KCNIP1: variants seen among roughly 807,000 people sequenced by gnomAD.
KCNIP1 encodes potassium voltage-gated channel interacting protein 1.
A neutral mutation model predicts 33.0 loss-of-function variants in KCNIP1; 18 were observed. That is an observed-to-expected ratio of 0.55 (90% CI 0.38 to 0.81). The LOEUF (loss-of-function observed/expected upper bound fraction) is 0.81, where lower values mean the gene tolerates loss of function less well. Among genes scored for constraint, KCNIP1 ranks in the 30% least tolerant of loss-of-function variants. KCNIP1 has a pLI of 0.00. For synonymous variants in KCNIP1, 93 were observed against 98.3 expected, an observed-to-expected ratio of 0.95 and a Z score of 0.32; for missense variants, 238 against 271.6, an observed-to-expected ratio of 0.88 and a Z score of 0.87.
At chr5:170,509,678 A>G (rs901979803) in intron 1 of KCNIP1, among the ~76,000 whole-genome samples, 1 of 152,274 alleles carries the variant, frequency 6.6e-6, no homozygotes, top group Non-Finnish European at 1.5e-5. Flanking sequence ...GAATATGTCC[A>G]TAAATGAATG....
At position 170,504,064 on chromosome 5, in the gene KCNIP1, G is replaced by A. The variant is rs1005515312; in HGVS notation, c.-509G>A. The A allele has an allele frequency of 1.0e-6, 1 of 985,610 alleles. No homozygotes were observed. Among genetic ancestry groups the A allele is most frequent in the East Asian group, 1.1e-4 (1 of 8,788 alleles). The allele number at this position is 985,610 out of a possible 1,614,324, so 61.1% of individuals were successfully genotyped here. ...GGCAGCAGGCAGCAGGCAGCAGGCGGGCGCGCTGTGGCTCCGCGCCGCGCG... is the reference window on the plus strand; with the variant it reads ...GGCAGCAGGCAGCAGGCAGCAGGCGAGCGCGCTGTGGCTCCGCGCCGCGCG... On this transcript the variant is annotated 5_prime_UTR_variant, in exon 1 of 8. Coordinates refer to ENST00000328939, the MANE Select transcript of KCNIP1 (RefSeq NM_014592.4). This position sits in a 1 kb window ranked among gnomAD's most constrained non-coding sequence, Gnocchi z 6.0.
chr5:170,358,891 C>T (rs756878392), intron 1 of KCNIP1, among the ~76,000 whole-genome samples: 2 of 152,180 alleles, frequency 1.3e-5, no homozygotes, highest in Non-Finnish European at 2.9e-5. Context: ...CATTCCTCTG[C>T]ACTCCTAGGG....
chr5:170,362,187 C>T (rs1763531652), intron 1 of KCNIP1, among the ~76,000 whole-genome samples: 1 of 152,136 alleles, frequency 6.6e-6, no homozygotes, highest in Non-Finnish European at 1.5e-5. Context: ...ATATAAAGAG[C>T]GAGCTTCAGA....
intron 5 of KCNIP1, among the ~76,000 whole-genome samples, chr5:170,723,726 T>C (rs866797730): frequency 6.6e-6 from 1 of 151,988 alleles, no homozygotes; most frequent in Non-Finnish European, 1.5e-5. Flanking sequence ...CATAGAGAGA[T>C]GGACAATAAA....
At chr5:170,378,921 A>T (rs1335272106) in intron 1 of KCNIP1, 1 of 1,614,206 alleles carries the variant, frequency 6.2e-7, no homozygotes, top group Non-Finnish European at 8.5e-7. Context: ...GACCTTCTCC[A>T]CGTCGGCCCG....
At chr5:170,620,470 G>A (rs1759559521) in intron 1 of KCNIP1, among the ~76,000 whole-genome samples, 1 of 152,172 alleles carries the variant, frequency 6.6e-6, no homozygotes, top group African/African-American at 2.4e-5. Flanking sequence ...AGTAAGGGCT[G>A]GGGCTGCTAC....
At chr5:170,631,493 A>C (rs975595649) in intron 1 of KCNIP1, among the ~76,000 whole-genome samples, 4 of 152,152 alleles carry the variant, frequency 2.6e-5, no homozygotes, top group African/African-American at 9.7e-5. Flanking sequence ...TCCAGACCCA[A>C]GCAGGAGAGC....
At chr5:170,438,337 G>T (rs1264172500) in intron 1 of KCNIP1, among the ~76,000 whole-genome samples, 1 of 152,140 alleles carries the variant, frequency 6.6e-6, no homozygotes, top group African/African-American at 2.4e-5. Flanking sequence ...GCCCACTCTG[G>T]GCTTGAAAAT....
chr5:170,440,191 C>T (rs1489493761), intron 1 of KCNIP1, among the ~76,000 whole-genome samples: 5 of 152,128 alleles, frequency 3.3e-5, no homozygotes, highest in African/African-American at 4.8e-5. Context: ...TCAGGGGAAA[C>T]CAACCTGCTG....
chr5:170,371,510 A>C (rs1763842849), intron 1 of KCNIP1, among the ~76,000 whole-genome samples: 1 of 152,162 alleles, frequency 6.6e-6, no homozygotes, highest in Non-Finnish European at 1.5e-5. Context: ...TGTTTTCTGG[A>C]GCAATACCAC....
intron 1 of KCNIP1, among the ~76,000 whole-genome samples, chr5:170,696,535 T>G (rs1762899183): frequency 6.6e-6 from 1 of 152,076 alleles, no homozygotes; most frequent in Non-Finnish European, 1.5e-5. Flanking sequence ...TCAGAGGAGG[T>G]AGCCCTTGAA....
At chr5:170,378,822 C>T in intron 1 of KCNIP1, 1 of 1,614,204 alleles carries the variant, frequency 6.2e-7, no homozygotes, top group Non-Finnish European at 8.5e-7. Flanking sequence ...GGCCTGGGGC[C>T]CGTAGAGGCG....
chr5:170,400,102 C>A (rs1465484723), intron 1 of KCNIP1, among the ~76,000 whole-genome samples: 1 of 152,218 alleles, frequency 6.6e-6, no homozygotes, highest in African/African-American at 2.4e-5. Context: ...CCTGTCTCGA[C>A]AGCCTCTCGT....
intron 1 of KCNIP1, among the ~76,000 whole-genome samples, chr5:170,637,247 C>T (rs1561733533): frequency 6.6e-6 from 1 of 152,100 alleles, no homozygotes; most frequent in Non-Finnish European, 1.5e-5. Context: ...CCTCTACCCA[C>T]CCCTGCTCCC....
chr5:170,719,098 G>A (rs1244888206), intron 2 of KCNIP1, among the ~76,000 whole-genome samples: 1 of 152,058 alleles, frequency 6.6e-6, no homozygotes, highest in Non-Finnish European at 1.5e-5. Flanking sequence ...ACGGCCAACT[G>A]CCCAGAAATT....
At chr5:170,710,173 T>TA (rs1225881970) in intron 1 of KCNIP1, among the ~76,000 whole-genome samples, 1 of 152,190 alleles carries the variant, frequency 6.6e-6, no homozygotes, top group Non-Finnish European at 1.5e-5. Context: ...GGACTGTGAT[T>TA]TCATTCTTTT....
intron 1 of KCNIP1, among the ~76,000 whole-genome samples, chr5:170,474,111 A>G (rs1581224610): frequency 6.6e-6 from 1 of 152,248 alleles, no homozygotes; most frequent in Non-Finnish European, 1.5e-5. Flanking sequence ...TCCTTTTGTA[A>G]AAGAAATTTA....
At chr5:170,503,744 A>ACACG (rs1428930460), upstream of KCNIP1, among the ~76,000 whole-genome samples, 3 of 150,154 alleles carry the variant, frequency 2.0e-5, no homozygotes, top group Non-Finnish European at 4.5e-5. Flanking sequence ...ACACACACAC[A>ACACG]CACACACACA....
At chr5:170,416,627 G>A (rs1326101657) in intron 1 of KCNIP1, among the ~76,000 whole-genome samples, 4 of 148,470 alleles carry the variant, frequency 2.7e-5, no homozygotes, top group Admixed American at 6.7e-5. Context: ...CAGTATCTCC[G>A]GTGTAAGAAG....
Sources: gnomAD v4.1 joint callset for allele counts (sites outside exome capture counted in the v4.1 genomes callset) on GRCh38, gnomAD v4.1.1 for gene constraint, Gnocchi (gnomAD v3.1) non-coding constraint, MANE v1.5 for transcripts, NCBI Gene and HGNC (gene_info 2026-07-23, HGNC 2026-07-21) for gene names.